MSI2: variants seen among roughly 807,000 people sequenced by gnomAD.
The protein encoded by MSI2 is RNA-binding protein Musashi homolog 2.
MSI2 carries 17 observed loss-of-function variants against 45.6 expected under a neutral mutation model. That is an observed-to-expected ratio of 0.37 (90% CI 0.26 to 0.56). The LOEUF (loss-of-function observed/expected upper bound fraction) is 0.56. Among genes scored for constraint, MSI2 ranks in the 20% least tolerant of loss-of-function variants. The pLI is 0.77. For synonymous variants in MSI2, 156 were observed against 158.2 expected, an observed-to-expected ratio of 0.99 and a Z score of 0.11; for missense variants, 293 against 444.2, an observed-to-expected ratio of 0.66 and a Z score of 3.06.
chr17:57,318,709 T>G (rs940597961), intron 5 of MSI2, among the ~76,000 whole-genome samples: 2 of 152,186 alleles, frequency 1.3e-5, no homozygotes, highest in Non-Finnish European at 2.9e-5. Context: ...TACAGCACGT[T>G]CCTGAATCCA....
chr17:57,464,009 GTGTGTGTGTGTA>G (rs1024336180), intron 6 of MSI2, among the ~76,000 whole-genome samples: 15 of 128,246 alleles, frequency 1.2e-4, no homozygotes, highest in African/African-American at 3.7e-4. Flanking sequence ...GTGTGTGTGT[GTGTGTGTGTGTA>G]TGTGTGTGTG....
chr17:57,552,158 C>T lies in MSI2; in HGVS notation c.454+22434C>T, dbSNP rs559873738. Among the ~76,000 whole-genome samples, 1 of 152,338 alleles carries T rather than the reference C, an allele frequency of 6.6e-6. No homozygotes were observed. The highest frequency in any genetic ancestry group is 1.9e-4 in the East Asian group (1 of 5,182). On this transcript the variant is annotated intron_variant, in intron 7 of 13. Coordinates refer to ENST00000284073, the MANE Select transcript of MSI2 (RefSeq NM_138962.4). This position sits in a 1 kb window ranked among gnomAD's most constrained non-coding sequence, Gnocchi z 4.3. ...GGCCACACACCAGGGCTCTGTCCCCCGACTTCCTCACTAGACCCTCAGGCC... is the reference window on the plus strand; with the variant it reads ...GGCCACACACCAGGGCTCTGTCCCCTGACTTCCTCACTAGACCCTCAGGCC...
intron 6 of MSI2, among the ~76,000 whole-genome samples, chr17:57,430,915 C>G (rs563300901): frequency 1.3e-5 from 2 of 152,210 alleles, no homozygotes; most frequent in Non-Finnish European, 2.9e-5. Flanking sequence ...CTGTCCTGCC[C>G]GCCTCTTCTT....
Position 57,510,651 on chromosome 17 carries a change from C to T in MSI2, c.406-19025C>T, listed in dbSNP as rs1598349371. On this transcript the variant is annotated intron_variant, in intron 6 of 13. Transcript: ENST00000284073. ...CCATGTTGGCCAGGCTGGTCTCAAA[C>T]TCCTGACCTCAGGTGATCCACCCAC... 2.0e-5 allele frequency among the ~76,000 whole-genome samples: 3 copies of T among 152,126 alleles called. No homozygotes were observed. The East Asian group carries it at 5.8e-4, about 29-fold the overall frequency.
chr17:57,300,698 G>A (rs1249802593), intron 5 of MSI2, among the ~76,000 whole-genome samples: 1 of 152,198 alleles, frequency 6.6e-6, no homozygotes, highest in African/African-American at 2.4e-5. Context: ...GTTCCACGTG[G>A]CTGGGGGAGC....
In MSI2 at chr17:57,681,444, C is replaced by T. The variant is rs1055194736; in HGVS notation, c.*1927C>T. 2 of 179,388 alleles carry T rather than the reference C, an allele frequency of 1.1e-5. No homozygotes were observed. Among genetic ancestry groups the T allele is most frequent in the African/African-American group, 4.7e-5 (2 of 42,282 alleles). 11.1% of individuals were successfully genotyped at this position (179,388 alleles called of 1,614,324 possible). A position where few individuals can be genotyped will look rare whatever the true frequency, so the allele number is the denominator to read the frequency against. On this transcript the variant is annotated 3_prime_UTR_variant, in exon 14 of 14. Coordinates refer to ENST00000284073, the MANE Select transcript of MSI2 (RefSeq NM_138962.4). ...CACAGCCAGTATGAGACACTGAATGCGACATTTATTATAAAGAGCTGCTGC... is the reference window on the plus strand; with the variant it reads ...CACAGCCAGTATGAGACACTGAATGTGACATTTATTATAAAGAGCTGCTGC...
At chr17:57,311,230 G>A (rs1912375110) in intron 5 of MSI2, among the ~76,000 whole-genome samples, 1 of 152,234 alleles carries the variant, frequency 6.6e-6, no homozygotes, top group Admixed American at 6.5e-5. Context: ...GACCAGTCAT[G>A]GATGTGTGTG....
chr17:57,539,917 G>A (rs1023270748), intron 7 of MSI2, among the ~76,000 whole-genome samples: 14 of 152,186 alleles, frequency 9.2e-5, no homozygotes, highest in Non-Finnish European at 5.9e-5. Context: ...CTTACACAGC[G>A]TGGCAAATGC....
At chr17:57,647,409 A>C (rs1260303071) in intron 10 of MSI2, among the ~76,000 whole-genome samples, 1 of 150,156 alleles carries the variant, frequency 6.7e-6, no homozygotes, top group Non-Finnish European at 1.5e-5. Context: ...CGATTGCACC[A>C]CTGCACTCCA....
rs146903848 is a variant in MSI2, at chr17:57,398,423, G to A, written c.313-2956G>A. On this transcript the variant is annotated intron_variant, in intron 5 of 13. Coordinates refer to ENST00000284073, the MANE Select transcript of MSI2 (RefSeq NM_138962.4). ...ACTTGGCTGGGGTAAGGGAAAAAAA[G>A]GAATGAAAAATCTAAAATTAAACTA... Among the ~76,000 whole-genome samples, 802 of 152,278 alleles carry A rather than the reference G, an allele frequency of 5.3e-3. 5 individuals carry two copies. Among genetic ancestry groups the A allele is most frequent in the African/African-American group, 0.018 (729 of 41,550 alleles).
intron 5 of MSI2, among the ~76,000 whole-genome samples, chr17:57,316,857 A>G (rs1451937595): frequency 6.6e-6 from 1 of 152,142 alleles, no homozygotes; most frequent in Non-Finnish European, 1.5e-5. Context: ...CAGAAATTAC[A>G]GACTCTGTTG....
Position 57,652,112 on chromosome 17 carries a change from G to C in MSI2, c.741G>C (p.Ala247=), listed in dbSNP as rs778007624. The C allele has an allele frequency of 8.1e-6, 13 of 1,613,956 alleles. No homozygotes were observed. Among genetic ancestry groups the C allele is most frequent in the Non-Finnish European group, 8.5e-6 (10 of 1,179,998 alleles). Residue 247 remains alanine, a synonymous_variant, in exon 11 of 14, where the codon GCG becomes GCC. Transcript: ENST00000284073. The surrounding 1 kb of genome is among the most constrained non-coding windows in gnomAD (Gnocchi z 4.1). ...TCTCCTGACCAGGCTTCCCAGCAGC[G>C]GCTTATGGACCAGTGGCAGCAGCGG... ...YGYQFPGFPA[A]AYGPVAAAAV...
At chr17:57,661,572 T>TCTGGGG (rs1911995094) in intron 11 of MSI2, among the ~76,000 whole-genome samples, 2 of 151,616 alleles carry the variant, frequency 1.3e-5, no homozygotes, top group Non-Finnish European at 2.9e-5. Context: ...AATCCTGGGG[T>TCTGGGG]CTGGGGCTGG....
rs557279063 is a variant in MSI2, at chr17:57,385,228, T to C, written c.313-16151T>C. Reference sequence around the variant, plus strand: ...TTCCCCAGCTTAAAATGGTTACCCTTTGTCTACAGGATGAAGTCCAGTCTT... The same window carrying C: ...TTCCCCAGCTTAAAATGGTTACCCTCTGTCTACAGGATGAAGTCCAGTCTT... On this transcript the variant is annotated intron_variant, in intron 5 of 13. Coordinates refer to ENST00000284073, the MANE Select transcript of MSI2 (RefSeq NM_138962.4). Among the ~76,000 whole-genome samples the C allele has an allele frequency of 4.6e-5, 7 of 152,318 alleles. No individual in the cohort carries two copies. The East Asian group carries it at 1.3e-3, about 29-fold the overall frequency.
intron 6 of MSI2, chr17:57,449,781 A>G (rs561885225): frequency 3.1e-4 from 47 of 152,224 alleles, no homozygotes; most frequent in African/African-American, 1.1e-3. Context: ...TAATCCCAGC[A>G]CTTTGTGAGG....
intron 7 of MSI2, among the ~76,000 whole-genome samples, chr17:57,537,967 C>G (rs185605690): frequency 1.1e-4 from 17 of 152,308 alleles, no homozygotes; most frequent in Admixed American, 6.5e-4. Flanking sequence ...CCTGCCTCCC[C>G]CTGCTGTGGC....
Position 57,660,224 on chromosome 17 carries a change from C to T in MSI2, c.790+8063C>T, listed in dbSNP as rs142052399. 2.6e-5 allele frequency among the ~76,000 whole-genome samples: 4 copies of T among 152,284 alleles called. No homozygotes were observed. In the East Asian group the frequency reaches 7.7e-4, roughly 29 times the overall value. Reference sequence around the variant, plus strand: ...GGTGGCAAAATGATTGCAGCAGTTTCTGGCATCATACCGTCCTGTCCAGAA... The same window carrying T: ...GGTGGCAAAATGATTGCAGCAGTTTTTGGCATCATACCGTCCTGTCCAGAA... On this transcript the variant is annotated intron_variant, in intron 11 of 13. Coordinates refer to ENST00000284073, the MANE Select transcript of MSI2 (RefSeq NM_138962.4).
At chr17:57,375,015 C>T (rs1308436071) in intron 5 of MSI2, among the ~76,000 whole-genome samples, 2 of 152,192 alleles carry the variant, frequency 1.3e-5, no homozygotes, top group East Asian at 3.9e-4. Flanking sequence ...ATTTGCTCTT[C>T]CTGGTCATTG....
At chr17:57,460,211 C>G (rs1193866633) in intron 6 of MSI2, among the ~76,000 whole-genome samples, 1 of 151,930 alleles carries the variant, frequency 6.6e-6, no homozygotes, top group Non-Finnish European at 1.5e-5. Flanking sequence ...GTAGTCCCAG[C>G]TACTTGGGAA....
Sources: allele counts gnomAD v4.1 joint callset (sites outside exome capture counted in the v4.1 genomes callset), GRCh38; gene constraint gnomAD v4.1.1; non-coding constraint Gnocchi (gnomAD v3.1); transcripts MANE v1.5; gene names NCBI Gene and HGNC (gene_info 2026-07-23, HGNC 2026-07-21).